The following RNLS variants were observed in gnomAD, a reference collection of about 807,000 sequenced individuals.
RNLS encodes the protein renalase.
A neutral mutation model predicts 39.8 loss-of-function variants in RNLS; 39 were observed. The ratio of observed to expected loss-of-function variants is 0.98; its 90% confidence interval spans 0.76 to 1.28. RNLS has a LOEUF of 1.28. Among genes scored for constraint, RNLS ranks in the 50% most tolerant of loss-of-function variants. The pLI is 0.00. For missense variants in RNLS, 410 were observed against 413.3 expected (o/e 0.99, Z 0.07); for synonymous variants, 147 against 150.7 (o/e 0.98, Z 0.18).
intron 3 of RNLS, among the ~76,000 whole-genome samples, chr10:88,574,507 C>G (rs911738894): frequency 6.6e-6 from 1 of 152,172 alleles, no homozygotes. Flanking sequence ...TATCTGCATG[C>G]TTTAGTTGTA....
At chr10:88,219,770 TAAAC>T in the RNLS span, among the ~76,000 whole-genome samples, 1 of 152,170 alleles carries the variant, frequency 6.6e-6, no homozygotes, top group African/African-American at 2.4e-5. Flanking sequence ...TTTAAAAAAA[TAAAC>T]AAAAGCAGGC....
chr10:88,573,700 A>G (rs1239118981), intron 3 of RNLS, among the ~76,000 whole-genome samples: 2 of 152,206 alleles, frequency 1.3e-5, no homozygotes, highest in Admixed American at 6.5e-5. Flanking sequence ...CACTTAACAC[A>G]AGGATATTTT....
the RNLS span, among the ~76,000 whole-genome samples, chr10:88,183,531 T>G: frequency 3.3e-5 from 5 of 152,172 alleles, no homozygotes; most frequent in African/African-American, 1.2e-4. Context: ...GAAATGGCAC[T>G]TCCCTGTTCA....
the RNLS span, among the ~76,000 whole-genome samples, chr10:88,248,672 C>T: frequency 6.6e-6 from 1 of 152,164 alleles, no homozygotes; most frequent in Non-Finnish European, 1.5e-5. Context: ...GAGGTGGGGT[C>T]AGCCCCTTTG....
intron 5 of RNLS, among the ~76,000 whole-genome samples, chr10:88,326,386 G>A (rs990478641): frequency 6.6e-6 from 1 of 152,202 alleles, no homozygotes; most frequent in Non-Finnish European, 1.5e-5. Flanking sequence ...GGGAACTAGA[G>A]CGAAGGTCAC....
At chr10:88,363,094 A>C (rs1375901826) in intron 4 of RNLS, among the ~76,000 whole-genome samples, 1 of 152,182 alleles carries the variant, frequency 6.6e-6, no homozygotes, top group Non-Finnish European at 1.5e-5. Flanking sequence ...TATACTTGAC[A>C]TAAGCATTTC....
the RNLS span, among the ~76,000 whole-genome samples, chr10:88,207,585 C>T: frequency 9.2e-5 from 14 of 152,096 alleles, no homozygotes; most frequent in African/African-American, 3.1e-4. Flanking sequence ...TTAAAAGAAT[C>T]TTTTAAAAAG....
At chr10:88,419,941 T>C (rs1854294325) in intron 4 of RNLS, among the ~76,000 whole-genome samples, 1 of 150,790 alleles carries the variant, frequency 6.6e-6, no homozygotes, top group Non-Finnish European at 1.5e-5. Context: ...ACCTGGGAGG[T>C]GGAGGTTGTG....
intron 5 of RNLS, among the ~76,000 whole-genome samples, chr10:88,333,246 A>G (rs1847245594): frequency 6.6e-6 from 1 of 152,238 alleles, no homozygotes; most frequent in African/African-American, 2.4e-5. Flanking sequence ...TAATGGAAAG[A>G]TATTATTAAA....
chr10:88,275,078 A>G (rs1842763580), intron 6 of RNLS: 2 of 1,374,038 alleles, frequency 1.5e-6, no homozygotes, highest in Non-Finnish European at 2.1e-6. Context: ...CACCCAACAC[A>G]ATGGCCTCTG....
At chr10:88,295,782 A>G (rs556900642) in intron 6 of RNLS, among the ~76,000 whole-genome samples, 5 of 152,314 alleles carry the variant, frequency 3.3e-5, no homozygotes, top group African/African-American at 1.2e-4. Context: ...GTGGGCTCAA[A>G]CTGCAAAGGA....
chr10:88,461,248 T>C (rs531385399), intron 4 of RNLS, among the ~76,000 whole-genome samples: 1 of 152,072 alleles, frequency 6.6e-6, no homozygotes, highest in African/African-American at 2.4e-5. Context: ...AAATTAAAGG[T>C]TGCCAAGGGC....
At chr10:88,317,022 T>C (rs988679021) in intron 5 of RNLS, among the ~76,000 whole-genome samples, 2 of 152,194 alleles carry the variant, frequency 1.3e-5, no homozygotes, top group African/African-American at 4.8e-5. Flanking sequence ...AGAGCATAAA[T>C]TCAGCATAAT....
At chr10:88,425,495 T>C (rs1423604017) in intron 4 of RNLS, among the ~76,000 whole-genome samples, 2 of 152,164 alleles carry the variant, frequency 1.3e-5, no homozygotes, top group Non-Finnish European at 2.9e-5. Context: ...CACAAATTAA[T>C]GTTTTCATTA....
chr10:88,464,106 A>G (rs892399270), intron 4 of RNLS, among the ~76,000 whole-genome samples: 4 of 152,070 alleles, frequency 2.6e-5, no homozygotes, highest in African/African-American at 4.8e-5. Context: ...TCAAATAGCT[A>G]TTAGCTCAAG....
At chr10:88,197,104 A>C in the RNLS span, among the ~76,000 whole-genome samples, 145 of 152,316 alleles carry the variant, frequency 9.5e-4, 1 homozygote, top group African/African-American at 3.4e-3. Context: ...CCAATCTTGG[A>C]AATAAGTAAA....
chr10:88,261,368 A>G, the RNLS span, among the ~76,000 whole-genome samples: 33 of 152,342 alleles, frequency 2.2e-4, no homozygotes, highest in African/African-American at 6.7e-4. Context: ...AACAAACACC[A>G]GTTATCAGTG....
intron 4 of RNLS, among the ~76,000 whole-genome samples, chr10:88,377,124 A>G (rs961135878): frequency 6.6e-6 from 1 of 152,140 alleles, no homozygotes; most frequent in African/African-American, 2.4e-5. Context: ...ACTTTCTTGC[A>G]TATAAGTCAG....
At chr10:88,199,629 G>T in the RNLS span, among the ~76,000 whole-genome samples, 1 of 152,166 alleles carries the variant, frequency 6.6e-6, no homozygotes, top group Admixed American at 6.6e-5. Context: ...GCAGGACGAA[G>T]ACACACTCAC....
Sources: gnomAD v4.1 joint callset for allele counts (sites outside exome capture counted in the v4.1 genomes callset) on GRCh38, gnomAD v4.1.1 for gene constraint, MANE v1.5 for transcripts, NCBI Gene and HGNC (gene_info 2026-07-23, HGNC 2026-07-21) for gene names.